The following EPS15 variants were observed in gnomAD, a reference collection of about 807,000 sequenced individuals.
EPS15 encodes the protein epidermal growth factor receptor pathway substrate 15.
A neutral mutation model predicts 113.8 loss-of-function variants in EPS15; 72 were observed. The observed-to-expected ratio is 0.63, with a 90% CI of 0.52 to 0.77. EPS15 has a LOEUF of 0.77. Among genes scored for constraint, EPS15 ranks in the 30% least tolerant of loss-of-function variants. EPS15 has a pLI of 0.00. For synonymous variants in EPS15, 344 were observed against 363.4 expected (o/e 0.95, Z 0.61); for missense variants, 1,048 against 1,045.8 (o/e 1.00, Z -0.03).
At chr1:51,373,423 A>G (rs1316692338) in intron 21 of EPS15, among the ~76,000 whole-genome samples, 1 of 152,240 alleles carries the variant, frequency 6.6e-6, no homozygotes, top group Non-Finnish European at 1.5e-5. Context: ...CTCAGGCTTC[A>G]GATTGTATGA....
At chr1:51,408,381 G>C (rs1248114332) in intron 14 of EPS15, 49 bp from the exon 15 acceptor site, 1 of 1,391,706 alleles carries the variant, frequency 7.2e-7, no homozygotes. Flanking sequence ...AAGAAGAGAT[G>C]TCATTAAAAT....
intron 1 of EPS15, among the ~76,000 whole-genome samples, chr1:51,508,605 C>G (rs1056610462): frequency 2.0e-5 from 3 of 152,094 alleles, no homozygotes; most frequent in Admixed American, 6.5e-5. Flanking sequence ...AGTGTTCTTC[C>G]CACTACGTAA....
intron 1 of EPS15, among the ~76,000 whole-genome samples, chr1:51,489,758 T>C (rs906955688): frequency 1.3e-5 from 2 of 152,170 alleles, no homozygotes; most frequent in African/African-American, 4.8e-5. Flanking sequence ...CCACTGAATC[T>C]GGGAGAAAGT....
Position 51,466,701 on chromosome 1 carries a change from T to TA in EPS15, c.310-1376dup, listed in dbSNP as rs547444935. 1.9e-4 allele frequency among the ~76,000 whole-genome samples: 28 copies of TA among 151,268 alleles called. No homozygotes were observed. In the East Asian group the frequency reaches 2.1e-3, roughly 12 times the overall value. ...CAATACTAACTTAAATGTAAAAAAT[T>TA]AAAAAAAATTTAACCTGACAATTTA... On this transcript the variant is annotated intron_variant, in intron 5 of 24. Coordinates refer to ENST00000371733, the MANE Select transcript of EPS15 (RefSeq NM_001981.3).
At chr1:51,454,514 T>C (rs1653829089) in intron 8 of EPS15, among the ~76,000 whole-genome samples, 1 of 152,222 alleles carries the variant, frequency 6.6e-6, no homozygotes, top group Non-Finnish European at 1.5e-5. Context: ...GACAAAAGCA[T>C]TACGCCTCCG....
chr1:51,513,022 G>C (rs1337367779), intron 1 of EPS15, among the ~76,000 whole-genome samples: 1 of 151,588 alleles, frequency 6.6e-6, no homozygotes, highest in Non-Finnish European at 1.5e-5. Context: ...TTTTGTCCCA[G>C]ATGGATTTCA....
intron 1 of EPS15, among the ~76,000 whole-genome samples, chr1:51,493,528 TTAAATAAATAAATAAATAAA>T (rs200731991): frequency 2.8e-4 from 38 of 133,436 alleles, no homozygotes; most frequent in African/African-American, 7.5e-4. Flanking sequence ...CAGTCTCAAA[TTAAATAAATAAATAAATAAA>T]TAAATAAATA....
At chr1:51,383,685 A>C (rs1330359936) in intron 21 of EPS15, among the ~76,000 whole-genome samples, 1 of 152,214 alleles carries the variant, frequency 6.6e-6, no homozygotes, top group Non-Finnish European at 1.5e-5. Flanking sequence ...ACAGACTGGT[A>C]CTGGTCCGTG....
intron 11 of EPS15, 133 bp downstream of exon 11, chr1:51,444,752 AAACC>A: frequency 1.3e-6 from 1 of 785,834 alleles, no homozygotes; most frequent in South Asian, 2.4e-5. Flanking sequence ...GGCACAAACT[AAACC>A]ACAAACAGTA....
intron 8 of EPS15, among the ~76,000 whole-genome samples, chr1:51,452,814 C>T (rs1473129702): frequency 6.6e-6 from 1 of 152,138 alleles, no homozygotes; most frequent in African/African-American, 2.4e-5. Context: ...AACCTTAACC[C>T]ATTGGTACCC....
At chr1:51,514,407 G>A (rs968184493) in intron 1 of EPS15, among the ~76,000 whole-genome samples, 20 of 152,046 alleles carry the variant, frequency 1.3e-4, no homozygotes, top group African/African-American at 4.8e-4. Flanking sequence ...AAGGGTACAT[G>A]TGAAGGTTTA....
At chr1:51,393,982 GTAT>G (rs1322340358) in intron 21 of EPS15, among the ~76,000 whole-genome samples, 4 of 152,150 alleles carry the variant, frequency 2.6e-5, no homozygotes, top group Non-Finnish European at 5.9e-5. Context: ...GCTTTTCTCT[GTAT>G]TATTAACAGA....
intron 21 of EPS15, among the ~76,000 whole-genome samples, chr1:51,387,324 A>G (rs1028977567): frequency 1.4e-4 from 21 of 152,234 alleles, no homozygotes; most frequent in African/African-American, 4.8e-4. Flanking sequence ...AGGAAGCACT[A>G]AACATGGAAA....
intron 23 of EPS15, among the ~76,000 whole-genome samples, chr1:51,363,159 A>G (rs1237758563): frequency 6.6e-6 from 1 of 151,908 alleles, no homozygotes; most frequent in Non-Finnish European, 1.5e-5. Flanking sequence ...TTAGCCAGGC[A>G]TGGTGGATCA....
intron 1 of EPS15, among the ~76,000 whole-genome samples, chr1:51,503,463 T>C (rs1241619816): frequency 6.6e-6 from 1 of 152,020 alleles, no homozygotes; most frequent in Non-Finnish European, 1.5e-5. Context: ...TGGTCTACTC[T>C]ACTAAACATC....
intron 13 of EPS15, among the ~76,000 whole-genome samples, chr1:51,411,600 C>G (rs1649730666): frequency 6.6e-6 from 1 of 152,128 alleles, no homozygotes; most frequent in South Asian, 2.1e-4. Flanking sequence ...GTTAAATATG[C>G]TTATGCCCCT....
At chr1:51,370,388 A>G (rs1261371672) in intron 21 of EPS15, among the ~76,000 whole-genome samples, 3 of 152,186 alleles carry the variant, frequency 2.0e-5, no homozygotes, top group Admixed American at 6.5e-5. Context: ...GTATATGCTT[A>G]TAAGTTGAGT....
intron 21 of EPS15, 40 bp from the exon 22 acceptor site, chr1:51,366,069 G>C (rs1336877553): frequency 1.4e-6 from 2 of 1,449,184 alleles, no homozygotes; most frequent in Admixed American, 1.9e-5. Flanking sequence ...AGGACAGTAA[G>C]ACATTTTTTT....
At chr1:51,360,517 T>C (rs1177265642) in intron 24 of EPS15, among the ~76,000 whole-genome samples, 3 of 152,180 alleles carry the variant, frequency 2.0e-5, no homozygotes, top group Non-Finnish European at 4.4e-5. Flanking sequence ...GATCTTCCTA[T>C]TTTAGACATC....
Sources: gnomAD v4.1 joint callset for allele counts (sites outside exome capture counted in the v4.1 genomes callset) on GRCh38, gnomAD v4.1.1 for gene constraint, MANE v1.5 for transcripts, NCBI Gene and HGNC (gene_info 2026-07-23, HGNC 2026-07-21) for gene names.